EFCAB13: variants seen among roughly 807,000 people sequenced by gnomAD.
The protein encoded by EFCAB13 is EF-hand calcium binding domain 13, also known as EF-hand calcium-binding domain-containing protein 13.
A neutral mutation model predicts 110.2 loss-of-function variants in EFCAB13; 91 were observed. The ratio of observed to expected loss-of-function variants is 0.83; its 90% CI spans 0.70 to 0.98. EFCAB13 has a LOEUF of 0.98. Among genes scored for constraint, EFCAB13 ranks in the 50% least tolerant of loss-of-function variants. The pLI is 0.00. For missense variants in EFCAB13, 968 were observed against 1,119.4 expected (o/e 0.86, Z 1.93); for synonymous variants, 323 against 369.9 (o/e 0.87, Z 1.45).
At chr17:47,422,630 A>T (rs1428554124) in intron 23 of EFCAB13, among the ~76,000 whole-genome samples, 1 of 152,210 alleles carries the variant, frequency 6.6e-6, no homozygotes, top group Non-Finnish European at 1.5e-5. Flanking sequence ...ATAAAATGAA[A>T]ATAAAGATAT....
At chr17:47,332,393 T>C (rs1320556402) in intron 4 of EFCAB13, among the ~76,000 whole-genome samples, 1 of 152,180 alleles carries the variant, frequency 6.6e-6, no homozygotes, top group Non-Finnish European at 1.5e-5. Context: ...GCATAATCAT[T>C]ACCAACTTTT....
At chr17:47,397,345 A>G (rs1298289424) in intron 17 of EFCAB13, among the ~76,000 whole-genome samples, 7 of 150,752 alleles carry the variant, frequency 4.6e-5, no homozygotes, top group Non-Finnish European at 7.4e-5. Context: ...GTGCAGTGGC[A>G]TGATCTCGGC....
At chr17:47,436,106 C>A (rs1345979992) in intron 24 of EFCAB13, among the ~76,000 whole-genome samples, 1 of 152,140 alleles carries the variant, frequency 6.6e-6, no homozygotes, top group Non-Finnish European at 1.5e-5. Flanking sequence ...ACTATCCCTG[C>A]ATCCCTGGTA....
chr17:47,434,571 GAGCCTGC>G (rs1484545659), intron 24 of EFCAB13, among the ~76,000 whole-genome samples: 2 of 152,072 alleles, frequency 1.3e-5, no homozygotes, highest in African/African-American at 4.8e-5. Flanking sequence ...AACTAAAAAA[GAGCCTGC>G]ATAGCCAAAG....
chr17:47,354,287 CCTACCATATGGT>C (rs2065468590), intron 9 of EFCAB13, among the ~76,000 whole-genome samples: 2 of 152,048 alleles, frequency 1.3e-5, no homozygotes, highest in Non-Finnish European at 2.9e-5. Flanking sequence ...TGTTTTGTGG[CCTACCATATGGT>C]CTATCTTGGA....
chr17:47,413,998 A>C (rs150468764), intron 22 of EFCAB13, among the ~76,000 whole-genome samples: 1 of 152,212 alleles, frequency 6.6e-6, no homozygotes, highest in African/African-American at 2.4e-5. Flanking sequence ...GTTAGTACTC[A>C]ATGCTTAGCA....
intron 23 of EFCAB13, among the ~76,000 whole-genome samples, chr17:47,415,276 T>C (rs550053396): frequency 1.3e-5 from 2 of 152,244 alleles, no homozygotes; most frequent in East Asian, 3.9e-4. Context: ...TTAGGAGATA[T>C]ACCTAATGCT....
intron 14 of EFCAB13, among the ~76,000 whole-genome samples, chr17:47,380,779 G>A (rs2065642877): frequency 6.6e-6 from 1 of 151,992 alleles, no homozygotes; most frequent in Non-Finnish European, 1.5e-5. Context: ...ATTCTAACTG[G>A]CATGAGATGG....
At chr17:47,361,789 C>G (rs1258453084) in intron 10 of EFCAB13, among the ~76,000 whole-genome samples, 1 of 151,984 alleles carries the variant, frequency 6.6e-6, no homozygotes, top group Non-Finnish European at 1.5e-5. Flanking sequence ...ATCTCTTTTC[C>G]AAGTCATTTC....
chr17:47,361,554 T>C, intron 10 of EFCAB13, 33 bp downstream of exon 10: 1 of 1,544,706 alleles, frequency 6.5e-7, no homozygotes, highest in Non-Finnish European at 8.9e-7. Context: ...TATATGTCCA[T>C]ATATATGTGC....
intron 9 of EFCAB13, among the ~76,000 whole-genome samples, chr17:47,355,724 C>T (rs2065477046): frequency 6.6e-6 from 1 of 151,948 alleles, no homozygotes; most frequent in Non-Finnish European, 1.5e-5. Flanking sequence ...AGTCGCGCGC[C>T]ACCAAACCCA....
At chr17:47,415,029 C>T in intron 23 of EFCAB13, 110 bp downstream of exon 23, 3 of 714,428 alleles carry the variant, frequency 4.2e-6, no homozygotes, top group Non-Finnish European at 6.9e-6. Context: ...AAATGTGGCA[C>T]ATAGACACCA....
At chr17:47,365,373 G>A (rs1399667234) in intron 10 of EFCAB13, among the ~76,000 whole-genome samples, 2 of 152,136 alleles carry the variant, frequency 1.3e-5, no homozygotes, top group Non-Finnish European at 2.9e-5. Context: ...TCCTCATAAG[G>A]AAGGTCCTTA....
At chr17:47,328,468 G>A (rs1485906575) in intron 4 of EFCAB13, 85 bp downstream of exon 4, 3 of 1,100,362 alleles carry the variant, frequency 2.7e-6, no homozygotes, top group Non-Finnish European at 3.9e-6. Context: ...TAATCAGTAA[G>A]CAAATTCATA....
rs1228998124 is a variant in EFCAB13 at position 47,409,627 on chromosome 17, GTC to G, written c.2234-12_2234-11del. Reference sequence around the variant, plus strand: ...AGGATGCCATTCCTCATTGTGTAATGTCTCTCTCTAAATTTGCAGATTTCAGG... The same window carrying G: ...AGGATGCCATTCCTCATTGTGTAATGTCTCTCTAAATTTGCAGATTTCAGG... On this transcript the variant is annotated intron_variant, in intron 20 of 24. Coordinates refer to ENST00000331493, the MANE Select transcript of EFCAB13 (RefSeq NM_152347.5). The G allele has an allele frequency of 8.8e-6, 14 of 1,596,110 alleles. No homozygotes were observed. The highest frequency in any genetic ancestry group is 1.2e-5 in the Non-Finnish European group (14 of 1,164,126).
At chr17:47,334,981 G>A (rs188009090) in intron 4 of EFCAB13, among the ~76,000 whole-genome samples, 2 of 152,178 alleles carry the variant, frequency 1.3e-5, no homozygotes, top group Admixed American at 1.3e-4. Context: ...TTTTATAGCT[G>A]TATAATGCAC....
chr17:47,333,979 C>T (rs910793831), intron 4 of EFCAB13, among the ~76,000 whole-genome samples: 2 of 152,018 alleles, frequency 1.3e-5, no homozygotes, highest in Non-Finnish European at 2.9e-5. Context: ...AAAATGACAT[C>T]GGAATTTTGA....
At chr17:47,407,427 C>G (rs536224044) in intron 20 of EFCAB13, among the ~76,000 whole-genome samples, 1 of 151,976 alleles carries the variant, frequency 6.6e-6, no homozygotes, top group Non-Finnish European at 1.5e-5. Flanking sequence ...CTGCCTTATT[C>G]GACAGTGTAG....
rs1015395133 is a variant in EFCAB13, at chr17:47,374,897, G to T, written c.1303G>T (p.Ala435Ser). The T allele has an allele frequency of 6.2e-7, 1 of 1,609,164 alleles. No homozygotes were observed. The highest frequency in any genetic ancestry group is 8.5e-7 in the Non-Finnish European group (1 of 1,178,788). The change falls in exon 12 of 25, where the codon GCT (alanine) becomes TCT (serine). Residue 435 changes from alanine to serine, a missense_variant. Transcript: ENST00000331493. ...TAGTATCCCAAAACTTCAGAAGCCAGCTGTAAGAAAGCATTCCAGTCTCCA... is the reference window on the plus strand; with the variant it reads ...TAGTATCCCAAAACTTCAGAAGCCATCTGTAAGAAAGCATTCCAGTCTCCA... ...ISSIPKLQKP[A>S]VRKHSSLQKQ...
Sources: gnomAD v4.1 joint callset for allele counts (sites outside exome capture counted in the v4.1 genomes callset) on GRCh38, gnomAD v4.1.1 for gene constraint, MANE v1.5 for transcripts, NCBI Gene and HGNC (gene_info 2026-07-23, HGNC 2026-07-21) for gene names.